The following GPC3 variants were observed in gnomAD, a reference collection of about 807,000 sequenced individuals.
GPC3 encodes the protein glypican-3.
Under a neutral mutation model 34.4 loss-of-function variants are expected in GPC3, and 3 were observed. The observed-to-expected ratio is 0.09, with a 90% CI of 0.04 to 0.23. The LOEUF (loss-of-function observed/expected upper bound fraction) is 0.23. GPC3 is among the 10% of genes least tolerant of loss of function. The probability of loss-of-function intolerance (pLI) is 1.00; values close to 1 mark genes in which losing one functional copy is unlikely to be tolerated. For synonymous variants in GPC3, 177 were observed against 174.0 expected, an observed-to-expected ratio of 1.02 and a Z score of -0.13; for missense variants, 351 against 445.6, an observed-to-expected ratio of 0.79 and a Z score of 1.91.
At chrX:133,567,575 T>A (rs1016462588) in intron 7 of GPC3, among the ~76,000 whole-genome samples, 6 of 112,136 alleles carry the variant, frequency 5.4e-5, no homozygotes, top group Non-Finnish European at 1.1e-4. Context: ...AATTTATCCT[T>A]GCCTTAGCTC....
chrX:133,977,130 C>T (rs1230930430), intron 1 of GPC3, among the ~76,000 whole-genome samples: 1 of 110,633 alleles, frequency 9.0e-6, no homozygotes, highest in African/African-American at 3.3e-5. Context: ...AGTGGTCAAG[C>T]TCTCTAGACT....
At chrX:133,950,160 C>T in intron 2 of GPC3, among the ~76,000 whole-genome samples, 1 of 111,666 alleles carries the variant, frequency 9.0e-6, no homozygotes, top group Middle Eastern at 4.6e-3. Context: ...ATTGTGCTGC[C>T]CCATTTTACT....
chrX:133,966,851 G>A (rs1199215199), intron 1 of GPC3, among the ~76,000 whole-genome samples: 1 of 112,374 alleles, frequency 8.9e-6, no homozygotes, highest in Non-Finnish European at 1.9e-5. Flanking sequence ...ATAGTGTTGT[G>A]TTAGAACTTG....
chrX:133,572,460 T>C (rs1167648526), intron 7 of GPC3, among the ~76,000 whole-genome samples: 1 of 109,971 alleles, frequency 9.1e-6, no homozygotes, highest in Non-Finnish European at 1.9e-5. Context: ...TAATAAGGAT[T>C]AGAGGTAAAG....
chrX:133,762,757 T>C, intron 2 of GPC3: 1 of 431,764 alleles, frequency 2.3e-6, no homozygotes, highest in Non-Finnish European at 4.1e-6. Context: ...TACAGCGTTT[T>C]TCGGGATTCC....
intron 2 of GPC3, among the ~76,000 whole-genome samples, chrX:133,797,220 G>C (rs768975862): frequency 9.1e-6 from 1 of 110,296 alleles, no homozygotes; most frequent in East Asian, 2.9e-4. Flanking sequence ...GCCGCAATCA[G>C]ATTGTACTGA....
intron 2 of GPC3, among the ~76,000 whole-genome samples, chrX:133,806,864 G>T (rs939202312): frequency 3.6e-5 from 4 of 110,630 alleles, no homozygotes; most frequent in African/African-American, 1.3e-4. Flanking sequence ...TAGCCAGGAT[G>T]ATCTCGATCT....
At chrX:133,650,447 A>ACC (rs2070588286) in intron 6 of GPC3, among the ~76,000 whole-genome samples, 1 of 94,046 alleles carries the variant, frequency 1.1e-5, no homozygotes, top group Non-Finnish European at 2.1e-5. Flanking sequence ...AAACACACCC[A>ACC]CACACCCACC....
chrX:133,558,682 G>T (rs2069515070), intron 7 of GPC3, among the ~76,000 whole-genome samples: 1 of 110,078 alleles, frequency 9.1e-6, no homozygotes, highest in Non-Finnish European at 1.9e-5. Context: ...CACGAGGTCA[G>T]GAGTTCAAGA....
chrX:133,765,058 TTCCAATAA>T, intron 2 of GPC3, among the ~76,000 whole-genome samples: 1 of 111,989 alleles, frequency 8.9e-6, no homozygotes. Context: ...ACTACAGTTC[TTCCAATAA>T]TCCACATACT....
chrX:133,743,360 T>A (rs1291693001), intron 3 of GPC3, among the ~76,000 whole-genome samples: 1 of 112,951 alleles, frequency 8.9e-6, no homozygotes. Context: ...TAAAAAATGC[T>A]TCTGTGATAT....
At chrX:133,953,717 T>C (rs948755961) in intron 1 of GPC3, among the ~76,000 whole-genome samples, 7 of 112,038 alleles carry the variant, frequency 6.2e-5, no homozygotes, top group Non-Finnish European at 1.1e-4. Context: ...ATCAAAGCTG[T>C]GTTGTTGTTT....
At chrX:133,668,550 G>GT (rs74848621) in intron 5 of GPC3, among the ~76,000 whole-genome samples, 239 of 101,633 alleles carry the variant, frequency 2.4e-3, no homozygotes, top group East Asian at 5.3e-3. Context: ...GGCTTGGTTA[G>GT]TTTTTTTTTT....
intron 2 of GPC3, among the ~76,000 whole-genome samples, chrX:133,869,770 G>A (rs754900701): frequency 4.4e-4 from 49 of 110,632 alleles, no homozygotes; most frequent in Non-Finnish European, 8.3e-4. Context: ...TGGCTAACAC[G>A]GTGAAACCCC....
chrX:133,791,967 G>A (rs1240301225), intron 2 of GPC3, among the ~76,000 whole-genome samples: 2 of 104,750 alleles, frequency 1.9e-5, no homozygotes. Context: ...TGCAACCTCT[G>A]CCTGCCACAT....
chrX:133,574,852 A>G (rs1288503448), intron 7 of GPC3, among the ~76,000 whole-genome samples: 1 of 112,102 alleles, frequency 8.9e-6, no homozygotes, highest in African/African-American at 3.2e-5. Context: ...GCGGAGCACA[A>G]TGGCATGGTT....
intron 2 of GPC3, 58 bp from the exon 3 acceptor site, chrX:133,754,234 C>T (rs748297100): frequency 2.4e-4 from 223 of 912,138 alleles, no homozygotes; most frequent in Non-Finnish European, 3.2e-4. Flanking sequence ...GCATGAAAAT[C>T]CAGTGTGAAA....
intron 6 of GPC3, among the ~76,000 whole-genome samples, chrX:133,649,058 G>A (rs5977902): frequency 0.34 from 37,389 of 110,458 alleles, 8,508 homozygotes; most frequent in African/African-American, 0.82. Context: ...ACCTTTGTCT[G>A]CAGCCCCTAT....
chrX:133,778,498 G>T (rs981824301), intron 2 of GPC3, among the ~76,000 whole-genome samples: 1 of 112,029 alleles, frequency 8.9e-6, no homozygotes, highest in Admixed American at 9.5e-5. Flanking sequence ...CAACTGATAC[G>T]AATTGAAACA....
Sources: allele counts gnomAD v4.1 joint callset (sites outside exome capture counted in the v4.1 genomes callset), GRCh38; gene constraint gnomAD v4.1.1; transcripts MANE v1.5; gene names NCBI Gene and HGNC (gene_info 2026-07-23, HGNC 2026-07-21).